GPC5: variants seen among roughly 807,000 people sequenced by gnomAD.
GPC5 encodes glypican 5, also known as glypican-5.
A neutral mutation model predicts 53.9 loss-of-function variants in GPC5; 47 were observed. The observed-to-expected ratio is 0.87, with a 90% confidence interval of 0.69 to 1.11. GPC5 has a LOEUF of 1.11. GPC5 is among the 50% of genes most tolerant of loss of function. GPC5 has a pLI of 0.00. For missense variants in GPC5, 748 were observed against 713.1 expected (o/e 1.05, Z -0.56); for synonymous variants, 286 against 263.3 (o/e 1.09, Z -0.84).
intron 2 of GPC5, among the ~76,000 whole-genome samples, chr13:91,689,705 A>C (rs1223950145): frequency 3.3e-5 from 5 of 152,066 alleles, no homozygotes; most frequent in Non-Finnish European, 1.5e-5. Context: ...CAGGGTCAGG[A>C]TCATCAATAT....
At chr13:91,972,352 A>T (rs988091491) in intron 6 of GPC5, among the ~76,000 whole-genome samples, 9 of 152,208 alleles carry the variant, frequency 5.9e-5, no homozygotes, top group Admixed American at 5.9e-4. Context: ...TTTTAAGCCT[A>T]TGTGTGTCTC....
chr13:91,547,195 A>G (rs767395018), intron 2 of GPC5, among the ~76,000 whole-genome samples: 2 of 152,130 alleles, frequency 1.3e-5, no homozygotes, highest in Non-Finnish European at 2.9e-5. Flanking sequence ...ATATCCAACT[A>G]GAGATGTTCA....
At chr13:91,906,052 T>C (rs1328672299) in intron 5 of GPC5, among the ~76,000 whole-genome samples, 1 of 152,028 alleles carries the variant, frequency 6.6e-6, no homozygotes, top group Non-Finnish European at 1.5e-5. Context: ...CCAACGTCCC[T>C]GTTCTGAGTC....
At chr13:92,864,255 A>G (rs1879273442) in intron 7 of GPC5, among the ~76,000 whole-genome samples, 1 of 152,164 alleles carries the variant, frequency 6.6e-6, no homozygotes, top group Admixed American at 6.5e-5. Context: ...ATTCCTTAGA[A>G]CTGTTACATT....
intron 7 of GPC5, among the ~76,000 whole-genome samples, chr13:92,859,801 T>C (rs953955943): frequency 6.6e-6 from 1 of 152,260 alleles, no homozygotes; most frequent in African/African-American, 2.4e-5. Context: ...TAGCTTAAAA[T>C]AATATGTTCT....
intron 7 of GPC5, among the ~76,000 whole-genome samples, chr13:92,540,610 C>T (rs943582261): frequency 1.3e-5 from 2 of 151,794 alleles, no homozygotes; most frequent in Non-Finnish European, 2.9e-5. Flanking sequence ...GAATGGCCAA[C>T]CAGTGGTCCA....
chr13:92,308,182 G>T (rs1348468546), intron 7 of GPC5, among the ~76,000 whole-genome samples: 8 of 152,100 alleles, frequency 5.3e-5, no homozygotes, highest in Non-Finnish European at 8.8e-5. Context: ...AAAACGATAT[G>T]ATGTTTCAAA....
At chr13:92,109,478 C>T (rs978845393) in intron 6 of GPC5, among the ~76,000 whole-genome samples, 13 of 152,226 alleles carry the variant, frequency 8.5e-5, no homozygotes, top group African/African-American at 2.9e-4. Flanking sequence ...GTTGAAAATC[C>T]TCTCATGAAT....
chr13:92,850,893 A>T (rs556261426), intron 7 of GPC5, among the ~76,000 whole-genome samples: 5 of 152,340 alleles, frequency 3.3e-5, no homozygotes, highest in African/African-American at 9.6e-5. Flanking sequence ...GTATTAGTCC[A>T]TTCTCACTCT....
At chr13:92,325,872 G>A (rs2043247523) in intron 7 of GPC5, among the ~76,000 whole-genome samples, 1 of 152,022 alleles carries the variant, frequency 6.6e-6, no homozygotes, top group Non-Finnish European at 1.5e-5. Flanking sequence ...ACGTTACAAA[G>A]GGGCCTCACT....
chr13:92,356,904 A>G (rs1431525617), intron 7 of GPC5, among the ~76,000 whole-genome samples: 5 of 152,036 alleles, frequency 3.3e-5, no homozygotes, highest in Non-Finnish European at 7.4e-5. Flanking sequence ...TTTGTTCCCC[A>G]TGGTCTGTTA....
At chr13:91,485,019 C>T (rs1247983343) in intron 2 of GPC5, among the ~76,000 whole-genome samples, 1 of 152,134 alleles carries the variant, frequency 6.6e-6, no homozygotes, top group Non-Finnish European at 1.5e-5. Flanking sequence ...GTTAGAAATG[C>T]AGAATAAAAA....
intron 4 of GPC5, among the ~76,000 whole-genome samples, chr13:91,734,090 T>C (rs2036762408): frequency 6.6e-6 from 1 of 151,678 alleles, no homozygotes; most frequent in Non-Finnish European, 1.5e-5. Context: ...GATGATCATG[T>C]GGTTTTTGTC....
chr13:92,625,525 C>CGATA (rs1885018609), intron 7 of GPC5, among the ~76,000 whole-genome samples: 1 of 152,136 alleles, frequency 6.6e-6, no homozygotes, highest in Non-Finnish European at 1.5e-5. Context: ...AAACTTTGGG[C>CGATA]TATCAATGTG....
At chr13:91,769,997 G>A (rs754860752) in intron 5 of GPC5, among the ~76,000 whole-genome samples, 7 of 152,194 alleles carry the variant, frequency 4.6e-5, no homozygotes, top group Non-Finnish European at 1.0e-4. Context: ...CTCACAAGTA[G>A]TAGGTCCCCA....
intron 2 of GPC5, among the ~76,000 whole-genome samples, chr13:91,674,505 G>A (rs1423697447): frequency 1.4e-5 from 2 of 145,134 alleles, no homozygotes; most frequent in Middle Eastern, 3.4e-3. Context: ...ATGCATATGT[G>A]TATATATACA....
chr13:91,953,888 A>G (rs1305575772), intron 6 of GPC5, among the ~76,000 whole-genome samples: 4 of 152,102 alleles, frequency 2.6e-5, no homozygotes, highest in Non-Finnish European at 5.9e-5. Flanking sequence ...CTTAATATCA[A>G]CCGCTTGGTG....
chr13:91,968,424 T>A (rs2040209878), intron 6 of GPC5, among the ~76,000 whole-genome samples: 1 of 152,110 alleles, frequency 6.6e-6, no homozygotes, highest in Non-Finnish European at 1.5e-5. Flanking sequence ...TATTAATATA[T>A]GTTTCAAAAT....
At chr13:91,684,037 G>A (rs773710736) in intron 2 of GPC5, among the ~76,000 whole-genome samples, 4 of 152,112 alleles carry the variant, frequency 2.6e-5, no homozygotes, top group African/African-American at 9.7e-5. Flanking sequence ...CATCTCAGTT[G>A]CCCTTTTAAT....
Sources: allele counts gnomAD v4.1 joint callset (sites outside exome capture counted in the v4.1 genomes callset), GRCh38; gene constraint gnomAD v4.1.1; transcripts MANE v1.5; gene names NCBI Gene and HGNC (gene_info 2026-07-23, HGNC 2026-07-21).